NUP155: variants seen among roughly 807,000 people sequenced by gnomAD.
NUP155 encodes nucleoporin 155.
In NUP155, 71 loss-of-function variants were observed where a neutral mutation model predicts 180.4. The observed-to-expected ratio is 0.39, with a 90% confidence interval of 0.33 to 0.48. NUP155 has a LOEUF of 0.48. Among genes scored for constraint, NUP155 ranks in the 20% least tolerant of loss-of-function variants. The pLI is 0.91. For missense variants in NUP155, 1,553 were observed against 1,648.9 expected (o/e 0.94, Z 1.01); for synonymous variants, 582 against 559.5 (o/e 1.04, Z -0.57).
At chr5:37,297,829 C>T (rs1197821145) in intron 32 of NUP155, among the ~76,000 whole-genome samples, 2 of 151,176 alleles carry the variant, frequency 1.3e-5, no homozygotes, top group East Asian at 3.9e-4. Context: ...CATATTATAC[C>T]TACAAAAGTA....
At chr5:37,348,851 G>C (rs755880370) in intron 8 of NUP155, among the ~76,000 whole-genome samples, 2 of 151,952 alleles carry the variant, frequency 1.3e-5, no homozygotes, top group Non-Finnish European at 2.9e-5. Context: ...CGCCGCCCAG[G>C]TTCAAATGAT....
At chr5:37,342,132 G>A (rs1217117507) in intron 10 of NUP155, among the ~76,000 whole-genome samples, 1 of 152,042 alleles carries the variant, frequency 6.6e-6, no homozygotes, top group East Asian at 1.9e-4. Context: ...TCAAACTCCT[G>A]GGCTCAAGTG....
intron 14 of NUP155, among the ~76,000 whole-genome samples, 194 bp from the exon 15 acceptor site, chr5:37,330,326 G>A (rs1326138042): frequency 6.6e-6 from 1 of 152,138 alleles, no homozygotes; most frequent in Non-Finnish European, 1.5e-5. Context: ...ATAAGCACTA[G>A]GATTACAGGA....
At chr5:37,323,901 T>G in intron 20 of NUP155, 91 bp downstream of exon 20, 1 of 886,324 alleles carries the variant, frequency 1.1e-6, no homozygotes, top group Non-Finnish European at 1.9e-6. Flanking sequence ...CTGCACACTT[T>G]AAAAGGACCA....
intron 22 of NUP155, among the ~76,000 whole-genome samples, chr5:37,311,137 G>T (rs2150949481): frequency 6.6e-6 from 1 of 152,218 alleles, no homozygotes; most frequent in East Asian, 1.9e-4. Flanking sequence ...AATAATATTG[G>T]AGTTTAATCT....
intron 24 of NUP155, 64 bp downstream of exon 24, chr5:37,309,065 A>G: frequency 1.3e-6 from 2 of 1,554,106 alleles, no homozygotes; most frequent in Non-Finnish European, 1.8e-6. Flanking sequence ...AGCTTGCTTC[A>G]TTCATACACT....
In NUP155 at chr5:37,292,284, C is replaced by T. The variant is rs186106181; in HGVS notation, c.4038-246G>A. 1.4e-3 allele frequency among the ~76,000 whole-genome samples: 210 copies of T among 151,422 alleles called. 1 individual carries two copies. The highest frequency in any genetic ancestry group is 4.9e-3 in the African/African-American group (203 of 41,240). ...AGGCTGCAGTGCAGTGGCGCCATCTCGGCTCACTGCAACCTCTGCCTCCTG... is the reference window on the plus strand; with the variant it reads ...AGGCTGCAGTGCAGTGGCGCCATCTTGGCTCACTGCAACCTCTGCCTCCTG... On this transcript the variant is annotated intron_variant, in intron 34 of 34. Coordinates refer to ENST00000231498, the MANE Select transcript of NUP155 (RefSeq NM_153485.3).
chr5:37,331,215 T>C (rs1441026342), intron 14 of NUP155, among the ~76,000 whole-genome samples: 1 of 152,166 alleles, frequency 6.6e-6, no homozygotes, highest in African/African-American at 2.4e-5. Flanking sequence ...AGACTCATAT[T>C]AATCCTGCTT....
chr5:37,303,472 G>T, intron 27 of NUP155, 58 bp from the exon 28 acceptor site: 3 of 1,399,406 alleles, frequency 2.1e-6, no homozygotes, highest in Non-Finnish European at 2.0e-6. Context: ...TAATGTTCCT[G>T]ATAAGGAAAA....
At chr5:37,326,136 T>C (rs937760201) in intron 18 of NUP155, among the ~76,000 whole-genome samples, 169 bp from the exon 19 acceptor site, 1 of 152,192 alleles carries the variant, frequency 6.6e-6, no homozygotes, top group African/African-American at 2.4e-5. Context: ...AAAATTTTCA[T>C]ACCTGATGTA....
At position 37,294,370 on chromosome 5, in the gene NUP155, G is replaced by A. The variant is rs753918999; in HGVS notation, c.3889C>T (p.Pro1297Ser). 12 of 1,603,374 alleles carry A rather than the reference G, an allele frequency of 7.5e-6. No individual in the cohort carries two copies. The highest frequency in any genetic ancestry group is 1.3e-5 in the African/African-American group (1 of 74,838). Residue 1297 changes from proline to serine, a missense_variant, in exon 33 of 35, where the codon CCT (proline) becomes TCT (serine). Pro to Ser is a moderately conservative substitution (Grantham distance 74). Transcript: ENST00000231498. ...QTMNEIGVPL[P>S]RLLEVYDQLF... ...TGATCATAAACTTCTAGTAGTCTAG[G>A]TAATGGTACTCCAATTTCATTCATT... is the stretch of plus-strand genomic sequence containing the variant.
intron 22 of NUP155, among the ~76,000 whole-genome samples, chr5:37,313,022 C>G (rs1029453857): frequency 1.3e-5 from 2 of 152,134 alleles, no homozygotes; most frequent in Non-Finnish European, 2.9e-5. Context: ...TCTATATATT[C>G]TATCTAACAT....
intron 32 of NUP155, among the ~76,000 whole-genome samples, chr5:37,295,084 C>A (rs1742451909): frequency 6.6e-6 from 1 of 152,184 alleles, no homozygotes; most frequent in African/African-American, 2.4e-5. Context: ...TTTCCAAGGT[C>A]TCCCTCTGAT....
intron 24 of NUP155, among the ~76,000 whole-genome samples, chr5:37,308,216 C>A (rs1006488323): frequency 1.3e-5 from 2 of 151,876 alleles, no homozygotes; most frequent in South Asian, 4.1e-4. Context: ...GTAAAACATA[C>A]AGTAATTGAA....
rs758336000 is a variant in NUP155, at chr5:37,330,122, G to C, written c.1640C>G (p.Ala547Gly). Residue 547 changes from alanine to glycine, a missense_variant, in exon 15 of 35, where the codon GCT becomes GGT. Physicochemically the swap from Ala to Gly is moderately conservative, Grantham distance 60 (BLOSUM62 0). Transcript: ENST00000231498. Reference sequence around the variant, plus strand: ...AGCAAGAATAAGGCAAGTTGCACAAGCCTGGTCTTCCTGTGTAAAAAGAGG... The same window carrying C: ...AGCAAGAATAAGGCAAGTTGCACAACCCTGGTCTTCCTGTGTAAAAAGAGG... Reference protein sequence around the residue: ...RFFKLHQEDQACATCLILACS... With the variant: ...RFFKLHQEDQGCATCLILACS... The C allele has an allele frequency of 1.2e-6, 2 of 1,611,792 alleles. No homozygotes were observed. The highest frequency in any genetic ancestry group is 3.3e-5 in the Admixed American group (2 of 59,814).
intron 19 of NUP155, among the ~76,000 whole-genome samples, chr5:37,324,754 C>T (rs988078104): frequency 1.3e-5 from 2 of 152,156 alleles, no homozygotes; most frequent in Non-Finnish European, 2.9e-5. Flanking sequence ...CATCTGGCCG[C>T]GTTGCCCTGG....
At chr5:37,325,861 G>T in intron 19 of NUP155, 40 bp downstream of exon 19, 2 of 1,251,198 alleles carry the variant, frequency 1.6e-6, no homozygotes, top group South Asian at 1.2e-5. Flanking sequence ...ACCATCAACT[G>T]GCTACACAAA....
intron 9 of NUP155, among the ~76,000 whole-genome samples, chr5:37,343,070 TTTTTTTC>T (rs1173514732): frequency 5.9e-5 from 9 of 152,096 alleles, no homozygotes; most frequent in Admixed American, 4.6e-4. Flanking sequence ...TATTTTCTTT[TTTTTTTC>T]TTTTTTCTTT....
chr5:37,297,868 GACTATGTC>G (rs201402872), intron 32 of NUP155, among the ~76,000 whole-genome samples: 11,257 of 150,736 alleles, frequency 0.075, 450 homozygotes, highest in South Asian at 0.13. Flanking sequence ...TTTTATTTCT[GACTATGTC>G]CAGAGGGAAT....
Sources: allele counts gnomAD v4.1 joint callset (sites outside exome capture counted in the v4.1 genomes callset), GRCh38; gene constraint gnomAD v4.1.1; transcripts MANE v1.5; gene names NCBI Gene and HGNC (gene_info 2026-07-23, HGNC 2026-07-21).